The following LHCGR variants were observed in gnomAD, a reference collection of about 807,000 sequenced individuals.
LHCGR encodes lutropin-choriogonadotropic hormone receptor.
In LHCGR, 55 loss-of-function variants were observed where a neutral mutation model predicts 60.7. The observed-to-expected ratio is 0.91, with a 90% CI of 0.73 to 1.13. The LOEUF is 1.13. Among genes scored for constraint, LHCGR ranks in the 50% most tolerant of loss-of-function variants. The pLI is 0.00. For missense variants in LHCGR, 862 were observed against 836.0 expected, an observed-to-expected ratio of 1.03 and a Z score of -0.38; for synonymous variants, 337 against 316.5, an observed-to-expected ratio of 1.06 and a Z score of -0.69.
At chr2:48,704,236 A>G (rs527934427) in intron 8 of LHCGR, among the ~76,000 whole-genome samples, 1 of 152,322 alleles carries the variant, frequency 6.6e-6, no homozygotes, top group South Asian at 2.1e-4. Flanking sequence ...CCAGGGATGA[A>G]GCCGACTTGA....
At chr2:48,704,301 T>C (rs35977964) in intron 8 of LHCGR, among the ~76,000 whole-genome samples, 17,601 of 152,266 alleles carry the variant, frequency 0.12, 1,162 homozygotes, top group African/African-American at 0.17. Context: ...CAGTATTTTA[T>C]GGAGGATTTT....
chr2:48,732,015 C>T (rs1669013412), intron 1 of LHCGR, among the ~76,000 whole-genome samples: 1 of 152,044 alleles, frequency 6.6e-6, no homozygotes, highest in South Asian at 2.1e-4. Context: ...TCACTTATAC[C>T]CACAGGAAAA....
chr2:48,731,116 T>TACAAAGA, intron 2 of LHCGR, 111 bp downstream of exon 2: 1 of 725,734 alleles, frequency 1.4e-6, no homozygotes, highest in Non-Finnish European at 2.4e-6. Context: ...GTGAGTATCC[T>TACAAAGA]AAACACAATT....
chr2:48,730,292 G>C (rs1057255860), intron 2 of LHCGR, among the ~76,000 whole-genome samples: 1 of 152,178 alleles, frequency 6.6e-6, no homozygotes, highest in African/African-American at 2.4e-5. Flanking sequence ...AGGTCTTAAT[G>C]CATTAAAGGT....
chr2:48,688,799 T>C lies in LHCGR; in HGVS notation c.998A>G (p.Tyr333Cys), dbSNP rs1217178593. 4.3e-6 allele frequency: 7 copies of C among 1,613,948 alleles called. No homozygotes were observed. Among genetic ancestry groups the C allele is most frequent in the South Asian group, 1.1e-5 (1 of 91,078 alleles). The change falls in exon 11 of 11, where the codon TAT (tyrosine) becomes TGT (cysteine). Residue 333 changes from tyrosine (Y) to cysteine (C), a missense_variant. Transcript: ENST00000294954. The surrounding 1 kb of genome is among the most constrained non-coding windows in gnomAD (Gnocchi z 5.2). ...GGGTGTCTTGGGTAAGCAGAAACCATATTCATAGTCCCAGCCACTCAGTTC... is the reference window on the plus strand; with the variant it reads ...GGGTGTCTTGGGTAAGCAGAAACCACATTCATAGTCCCAGCCACTCAGTTC... ...ESELSGWDYEYGFCLPKTPRC... is the reference protein window; with the variant it reads ...ESELSGWDYECGFCLPKTPRC...
chr2:48,706,121 T>C (rs1291464608), intron 8 of LHCGR, among the ~76,000 whole-genome samples: 1 of 152,254 alleles, frequency 6.6e-6, no homozygotes, highest in Non-Finnish European at 1.5e-5. Context: ...TTTGCTTGTC[T>C]GTAAAGGATT....
rs184173068 is a variant in LHCGR, at chr2:48,693,012, T to C, written c.947+1212A>G. Reference sequence around the variant, plus strand: ...GGACTGGTGAGGATTATATTGAGGATGGTTTAAAGTCTTCCTTCCCCTCAA... The same window carrying C: ...GGACTGGTGAGGATTATATTGAGGACGGTTTAAAGTCTTCCTTCCCCTCAA... On this transcript the variant is annotated intron_variant, in intron 10 of 10. Coordinates refer to ENST00000294954, the MANE Select transcript of LHCGR (RefSeq NM_000233.4). Among the ~76,000 whole-genome samples, 6 of 152,274 alleles carry C rather than the reference T, an allele frequency of 3.9e-5. No homozygotes were observed. In the East Asian group the frequency reaches 9.6e-4, roughly 24 times the overall value.
In LHCGR at chr2:48,755,721, G is replaced by C; in HGVS notation, c.-50C>G. 1 of 1,532,600 alleles carries C rather than the reference G, an allele frequency of 6.5e-7. No homozygotes were observed. The highest frequency in any genetic ancestry group is 8.7e-7 in the Non-Finnish European group (1 of 1,146,042). 94.9% of individuals were successfully genotyped at this position (1,532,600 alleles called of 1,614,324 possible). On this transcript the variant is annotated 5_prime_UTR_variant, in exon 1 of 11. Coordinates refer to ENST00000294954, the MANE Select transcript of LHCGR (RefSeq NM_000233.4). Reference sequence around the variant, plus strand: ...CTTGCCAGTGTCTTGGACGGCCTCTGAGTGCGGCCCGCACCCCTCTCCCCG... The same window carrying C: ...CTTGCCAGTGTCTTGGACGGCCTCTCAGTGCGGCCCGCACCCCTCTCCCCG...
intron 1 of LHCGR, among the ~76,000 whole-genome samples, chr2:48,742,044 A>G (rs1183673935): frequency 1.3e-5 from 2 of 152,200 alleles, no homozygotes; most frequent in Non-Finnish European, 2.9e-5. Context: ...TTGCCATCCT[A>G]GTCTCTGATA....
intron 2 of LHCGR, among the ~76,000 whole-genome samples, chr2:48,730,308 A>C (rs1403425167): frequency 3.3e-5 from 5 of 152,218 alleles, no homozygotes; most frequent in Admixed American, 2.0e-4. Context: ...AAGGTTATCA[A>C]AACTCAACAT....
intron 1 of LHCGR, among the ~76,000 whole-genome samples, chr2:48,746,055 T>TA (rs1258987328): frequency 3.3e-5 from 5 of 152,090 alleles, no homozygotes; most frequent in African/African-American, 4.8e-5. Flanking sequence ...GTGTATAATC[T>TA]AAAAAATCTA....
Position 48,707,583 on chromosome 2 carries a change from T to C in LHCGR, c.680+1365A>G, listed in dbSNP as rs1268311840. 3.3e-5 allele frequency among the ~76,000 whole-genome samples: 5 copies of C among 152,378 alleles called. No homozygotes were observed. In the East Asian group the frequency reaches 9.7e-4, roughly 29 times the overall value. Reference sequence around the variant, plus strand: ...TGTGGCTGCTGCCTTTGTTCAGATATGTCCTGCCCACAGAGGTGGAATTTA... The same window carrying C: ...TGTGGCTGCTGCCTTTGTTCAGATACGTCCTGCCCACAGAGGTGGAATTTA... On this transcript the variant is annotated intron_variant, in intron 8 of 10. Transcript: ENST00000294954.
Position 48,688,805 on chromosome 2 carries a change from T to C in LHCGR, c.992A>G (p.Tyr331Cys), listed in dbSNP as rs772854910. The C allele has an allele frequency of 1.9e-6, 3 of 1,614,128 alleles. No homozygotes were observed. Among genetic ancestry groups the C allele is most frequent in the South Asian group, 1.1e-5 (1 of 91,074 alleles). Residue 331 changes from tyrosine to cysteine, a missense_variant, in exon 11 of 11, where the codon TAT becomes TGT. Transcript: ENST00000294954. The surrounding 1 kb of genome is among the most constrained non-coding windows in gnomAD (Gnocchi z 5.2). ...LAESELSGWD[Y>C]EYGFCLPKTP... is the part of the protein sequence containing the mutation. ...CTTGGGTAAGCAGAAACCATATTCA[T>C]AGTCCCAGCCACTCAGTTCACTCTC...
At chr2:48,736,763 C>G (rs1669221675) in intron 1 of LHCGR, among the ~76,000 whole-genome samples, 1 of 152,038 alleles carries the variant, frequency 6.6e-6, no homozygotes, top group African/African-American at 2.4e-5. Flanking sequence ...TCTGGAAATC[C>G]TTGCTTATAA....
chr2:48,739,340 C>G lies in LHCGR; in HGVS notation c.162-8042G>C, dbSNP rs142936612. Reference sequence around the variant, plus strand: ...TATACCCAAAGGATTATAAAACATGCTGCTATAAAGACACATGCACACGTG... The same window carrying G: ...TATACCCAAAGGATTATAAAACATGGTGCTATAAAGACACATGCACACGTG... On this transcript the variant is annotated intron_variant, in intron 1 of 10. Transcript: ENST00000294954. Among the ~76,000 whole-genome samples, 547 of 152,272 alleles carry G rather than the reference C, an allele frequency of 3.6e-3. 11 individuals carry two copies. The highest frequency in any genetic ancestry group is 9.0e-4 in the Non-Finnish European group (61 of 68,038).
In LHCGR at chr2:48,725,510, G is replaced by A. The variant is rs62135399; in HGVS notation, c.383+166C>T. On this transcript the variant is annotated intron_variant, in intron 4 of 10. Coordinates refer to ENST00000294954, the MANE Select transcript of LHCGR (RefSeq NM_000233.4). ...GTATGTAAAAGCACCCAGCTCGGTG[G>A]CTGACAAGAAATGACAATTAAATTT... 0.14 allele frequency among the ~76,000 whole-genome samples: 21,121 copies of A among 152,240 alleles called. 1,912 individuals are homozygous for A. The highest frequency in any genetic ancestry group is 0.27 in the South Asian group (1,294 of 4,826).
chr2:48,698,962 C>T (rs1667267092), intron 8 of LHCGR, among the ~76,000 whole-genome samples, 162 bp from the exon 9 acceptor site: 1 of 152,076 alleles, frequency 6.6e-6, no homozygotes, highest in Non-Finnish European at 1.5e-5. Context: ...CTGCCTCAGC[C>T]TCCCGAGTCG....
intron 6 of LHCGR, 126 bp from the exon 7 acceptor site, chr2:48,714,180 A>G (rs1329681874): frequency 4.2e-6 from 3 of 711,146 alleles, no homozygotes; most frequent in East Asian, 2.7e-5. Context: ...CTAGTTCTCC[A>G]TCATCACCAC....
At chr2:48,727,420 T>C (rs1293850493) in intron 3 of LHCGR, among the ~76,000 whole-genome samples, 3 of 152,226 alleles carry the variant, frequency 2.0e-5, no homozygotes, top group Non-Finnish European at 2.9e-5. Context: ...AAAGCCTTCA[T>C]GGAGCTAGCA....
Sources: allele counts gnomAD v4.1 joint callset (sites outside exome capture counted in the v4.1 genomes callset), GRCh38; gene constraint gnomAD v4.1.1; non-coding constraint Gnocchi (gnomAD v3.1); transcripts MANE v1.5; gene names NCBI Gene and HGNC (gene_info 2026-07-23, HGNC 2026-07-21).